The following COL5A2 variants were observed in gnomAD, a reference collection of about 807,000 sequenced individuals.
COL5A2 encodes collagen alpha-2(V) chain.
Under a neutral mutation model 208.2 loss-of-function variants are expected in COL5A2, and 23 were observed. The ratio of observed to expected loss-of-function variants is 0.11; its 90% CI spans 0.08 to 0.16. The LOEUF (loss-of-function observed/expected upper bound fraction) is 0.16, where lower values mean the gene tolerates loss of function less well. Among genes scored for constraint, COL5A2 ranks in the 10% least tolerant of loss-of-function variants. COL5A2 has a pLI of 1.00. For synonymous variants in COL5A2, 625 were observed against 628.5 expected, an observed-to-expected ratio of 0.99 and a Z score of 0.08; for missense variants, 1,590 against 1,956.4, an observed-to-expected ratio of 0.81 and a Z score of 3.53.
At chr2:189,094,588 G>GACACACACAC (rs1175370532) in intron 6 of COL5A2, among the ~76,000 whole-genome samples, 1,014 of 11,680 alleles carry the variant, frequency 0.087, 346 homozygotes, top group Non-Finnish European at 0.14. Context: ...CTTTCTCTCT[G>GACACACACAC]ACACACACAC....
chr2:189,046,838 C>A (rs907569715), intron 45 of COL5A2, among the ~76,000 whole-genome samples: 1 of 151,830 alleles, frequency 6.6e-6, no homozygotes, highest in African/African-American at 2.4e-5. Context: ...AAATACTTGC[C>A]CGGGCACAGT....
At chr2:189,143,688 A>G (rs930340702) in intron 1 of COL5A2, among the ~76,000 whole-genome samples, 3 of 152,182 alleles carry the variant, frequency 2.0e-5, no homozygotes, top group East Asian at 3.9e-4. Flanking sequence ...TGAAACTTTT[A>G]AACAAATATA....
chr2:189,181,630 A>G (rs1048018754), upstream of COL5A2, among the ~76,000 whole-genome samples: 4 of 152,136 alleles, frequency 2.6e-5, no homozygotes, highest in African/African-American at 9.7e-5. Flanking sequence ...CAGCATTTTT[A>G]CTGAAGTGCA....
At chr2:189,351,634 G>A in the COL5A2 span, among the ~76,000 whole-genome samples, 7 of 152,062 alleles carry the variant, frequency 4.6e-5, no homozygotes, top group African/African-American at 1.7e-4. Flanking sequence ...CTATGTGCAA[G>A]TATTGTTTAT....
chr2:189,329,288 T>G, the COL5A2 span, among the ~76,000 whole-genome samples: 64 of 152,228 alleles, frequency 4.2e-4, no homozygotes, highest in South Asian at 6.6e-3. Context: ...CTCATAGAAC[T>G]CATAGAAGCC....
At chr2:189,076,747 G>A (rs6434318) in intron 16 of COL5A2, among the ~76,000 whole-genome samples, 108,190 of 151,902 alleles carry the variant, frequency 0.71, 39,526 homozygotes, top group Non-Finnish European at 0.81. Flanking sequence ...GGGAGGAGTC[G>A]GATTCTGAGA....
intron 1 of COL5A2, among the ~76,000 whole-genome samples, chr2:189,195,999 T>G (rs1047417667): frequency 3.3e-5 from 5 of 152,104 alleles, no homozygotes; most frequent in Non-Finnish European, 7.4e-5. Context: ...CAAAAGAAAC[T>G]ATCATCAGAG....
At chr2:189,377,481 G>A in the COL5A2 span, among the ~76,000 whole-genome samples, 1 of 152,172 alleles carries the variant, frequency 6.6e-6, no homozygotes, top group African/African-American at 2.4e-5. Context: ...TTTCATGTTT[G>A]TGTTTCCAGT....
chr2:189,223,586 C>T (rs761920738), intron 1 of COL5A2, among the ~76,000 whole-genome samples: 4 of 152,162 alleles, frequency 2.6e-5, no homozygotes, highest in Admixed American at 6.6e-5. Context: ...GTATCAACAA[C>T]ATCGTGGATA....
chr2:189,109,548 A>G (rs1280686656), intron 2 of COL5A2, among the ~76,000 whole-genome samples: 1 of 152,176 alleles, frequency 6.6e-6, no homozygotes, highest in African/African-American at 2.4e-5. Flanking sequence ...AAGGTTTAAT[A>G]TTGCTCTTAC....
At chr2:189,206,870 C>T (rs1437883163) in intron 1 of COL5A2, among the ~76,000 whole-genome samples, 1 of 152,180 alleles carries the variant, frequency 6.6e-6, no homozygotes, top group African/African-American at 2.4e-5. Flanking sequence ...TTTGTTTCAA[C>T]TGAATTTTGA....
the COL5A2 span, among the ~76,000 whole-genome samples, chr2:189,427,058 A>C: frequency 1.1e-3 from 170 of 152,310 alleles, no homozygotes; most frequent in African/African-American, 3.7e-3. Flanking sequence ...TGGGAGAAAG[A>C]CCTCAAAGGC....
the COL5A2 span, among the ~76,000 whole-genome samples, chr2:189,281,484 C>G: frequency 0.015 from 2,307 of 152,194 alleles, 24 homozygotes; most frequent in Non-Finnish European, 0.02. Context: ...ATTTAACAGA[C>G]AGTATCTCAA....
chr2:189,109,114 G>A (rs1384766202), intron 2 of COL5A2, among the ~76,000 whole-genome samples: 6 of 151,642 alleles, frequency 4.0e-5, no homozygotes, highest in Admixed American at 3.3e-4. Context: ...TAATGCAATT[G>A]CCAGCTCCTA....
At chr2:189,340,162 A>G in the COL5A2 span, among the ~76,000 whole-genome samples, 1 of 152,154 alleles carries the variant, frequency 6.6e-6, no homozygotes, top group Non-Finnish European at 1.5e-5. Context: ...TCTCTTGACA[A>G]CTGGGTTCCC....
the COL5A2 span, among the ~76,000 whole-genome samples, chr2:189,412,238 C>T: frequency 2.6e-5 from 4 of 152,062 alleles, no homozygotes; most frequent in Non-Finnish European, 5.9e-5. Context: ...AAACATCATC[C>T]TAACGTTCGT....
At chr2:189,168,757 T>C (rs888516720) in intron 1 of COL5A2, among the ~76,000 whole-genome samples, 74 of 152,300 alleles carry the variant, frequency 4.9e-4, no homozygotes, top group African/African-American at 1.6e-3. Context: ...AACAACCATA[T>C]TGAATATCAA....
chr2:189,099,433 C>T (rs775332285), intron 4 of COL5A2, among the ~76,000 whole-genome samples: 7 of 151,794 alleles, frequency 4.6e-5, no homozygotes, highest in Admixed American at 6.6e-5. Context: ...AAGACCAGCC[C>T]GGCCAAACTG....
intron 1 of COL5A2, among the ~76,000 whole-genome samples, chr2:189,144,387 T>C (rs184107387): frequency 3.9e-5 from 6 of 152,218 alleles, no homozygotes; most frequent in Non-Finnish European, 7.4e-5. Flanking sequence ...CAATCAGTGC[T>C]TATTTACTGT....
Sources: allele counts gnomAD v4.1 joint callset (sites outside exome capture counted in the v4.1 genomes callset), GRCh38; gene constraint gnomAD v4.1.1; transcripts MANE v1.5; gene names NCBI Gene and HGNC (gene_info 2026-07-23, HGNC 2026-07-21).